The following ATP13A4 variants were observed in gnomAD, a reference collection of about 807,000 sequenced individuals.
ATP13A4 encodes probable cation-transporting ATPase 13A4.
ATP13A4 carries 114 observed loss-of-function variants against 142.5 expected under a neutral mutation model. The ratio of observed to expected loss-of-function variants is 0.80; its 90% CI spans 0.69 to 0.93. ATP13A4 has a LOEUF of 0.93. Among genes scored for constraint, ATP13A4 ranks in the 40% least tolerant of loss-of-function variants. The pLI is 0.00. For missense variants in ATP13A4, 1,392 were observed against 1,454.0 expected, an observed-to-expected ratio of 0.96 and a Z score of 0.69; for synonymous variants, 488 against 514.8, an observed-to-expected ratio of 0.95 and a Z score of 0.70.
chr3:193,500,296 T>C (rs1420059656), intron 3 of ATP13A4, among the ~76,000 whole-genome samples: 1 of 152,124 alleles, frequency 6.6e-6, no homozygotes, highest in Non-Finnish European at 1.5e-5. Flanking sequence ...GAGCATCCTG[T>C]TTAACAAGTT....
At chr3:193,471,021 T>A in intron 8 of ATP13A4, 28 bp from the exon 9 acceptor site, 2 of 1,614,022 alleles carry the variant, frequency 1.2e-6, no homozygotes, top group Non-Finnish European at 8.5e-7. Flanking sequence ...CAGAGTTGAG[T>A]CAGGTTATTT....
Position 193,465,112 on chromosome 3 carries a change from A to T in ATP13A4, c.1289T>A (p.Val430Glu). ...GATGACGTCAAGGGCTTTCCTCACC[A>T]CCTCCTCTGGAGGTTCCTGGACGAC... The part of the protein sequence containing the change: ...YVLSGEPPEE[V>E]VRKALDVITI... Residue 430 changes from valine (V) to glutamate (E), a missense_variant, in exon 12 of 30, where the codon GTG (valine) becomes GAG (glutamate). By Grantham distance (121) the Val-to-Glu change is moderately radical. Coordinates refer to ENST00000342695, the MANE Select transcript of ATP13A4 (RefSeq NM_032279.4). 1 of 1,613,120 alleles carries T rather than the reference A, an allele frequency of 6.2e-7. No homozygotes were observed. The highest frequency in any genetic ancestry group is 8.5e-7 in the Non-Finnish European group (1 of 1,179,774).
chr3:193,501,630 A>G (rs1040529810), intron 3 of ATP13A4, among the ~76,000 whole-genome samples: 1 of 152,050 alleles, frequency 6.6e-6, no homozygotes, highest in Non-Finnish European at 1.5e-5. Flanking sequence ...ACAATTGACA[A>G]TAGGAAAATT....
chr3:193,485,271 A>AAGCAGCAGTTACACGTACAGGTAG (rs1430561255), intron 7 of ATP13A4, among the ~76,000 whole-genome samples: 4 of 152,282 alleles, frequency 2.6e-5, no homozygotes, highest in Non-Finnish European at 4.4e-5. Context: ...AAATAAGTCA[A>AAGCAGCAGTTACACGTACAGGTAG]AGCAGCAGTT....
chr3:193,490,762 T>G (rs2108664104), intron 6 of ATP13A4, among the ~76,000 whole-genome samples: 1 of 152,196 alleles, frequency 6.6e-6, no homozygotes, highest in South Asian at 2.1e-4. Context: ...TTTAGTAAGC[T>G]TGTTTTAAGG....
intron 8 of ATP13A4, among the ~76,000 whole-genome samples, chr3:193,474,717 AG>A (rs1323271297): frequency 9.8e-5 from 11 of 112,760 alleles, no homozygotes; most frequent in East Asian, 5.4e-4. Context: ...AAGGAAAGAG[AG>A]AGAGAAAGAA....
intron 13 of ATP13A4, among the ~76,000 whole-genome samples, chr3:193,461,028 AT>A (rs1717916662): frequency 6.6e-6 from 1 of 152,010 alleles, no homozygotes; most frequent in Non-Finnish European, 1.5e-5. Flanking sequence ...TAAATTTGTC[AT>A]TTTTTATTTT....
At chr3:193,573,973 T>A (rs1191537262) in intron 2 of ATP13A4, among the ~76,000 whole-genome samples, 2 of 152,084 alleles carry the variant, frequency 1.3e-5, no homozygotes, top group African/African-American at 4.8e-5. Flanking sequence ...GCCTTGTGGG[T>A]GGTTGAATGA....
chr3:193,423,842 GAA>G (rs35659312), intron 25 of ATP13A4, among the ~76,000 whole-genome samples: 3 of 146,138 alleles, frequency 2.1e-5, no homozygotes, highest in East Asian at 2.2e-4. Context: ...CTAGGCAAGA[GAA>G]AAAAAAAACA....
At chr3:193,582,351 G>A (rs994024046) in intron 1 of ATP13A4, among the ~76,000 whole-genome samples, 6 of 149,188 alleles carry the variant, frequency 4.0e-5, no homozygotes, top group South Asian at 4.2e-4. Flanking sequence ...GTTTTACCAC[G>A]TTGGCGAAGA....
intron 25 of ATP13A4, among the ~76,000 whole-genome samples, chr3:193,420,331 G>A (rs917992151): frequency 6.7e-6 from 1 of 150,192 alleles, no homozygotes; most frequent in Non-Finnish European, 1.5e-5. Context: ...CGGAATCAGA[G>A]TTACCACAAT....
At chr3:193,528,136 T>C (rs1291104818) in intron 1 of ATP13A4, among the ~76,000 whole-genome samples, 2 of 152,224 alleles carry the variant, frequency 1.3e-5, no homozygotes, top group African/African-American at 4.8e-5. Flanking sequence ...TGGTGCATGT[T>C]GTGCAGACTA....
At chr3:193,452,805 T>A (rs1337698356) in intron 17 of ATP13A4, among the ~76,000 whole-genome samples, 1 of 149,562 alleles carries the variant, frequency 6.7e-6, no homozygotes, top group Non-Finnish European at 1.5e-5. Context: ...TATTATCTTA[T>A]ATTAAACAAT....
At chr3:193,440,291 T>G in intron 21 of ATP13A4, 1 of 460,400 alleles carries the variant, frequency 2.2e-6, no homozygotes, top group Non-Finnish European at 3.8e-6. Context: ...TCTAGTCCAG[T>G]GGTTCTCAGC....
intron 1 of ATP13A4, among the ~76,000 whole-genome samples, chr3:193,582,248 A>G (rs1052995596): frequency 2.0e-5 from 3 of 149,014 alleles, no homozygotes; most frequent in Non-Finnish European, 3.0e-5. Context: ...TCCAGGGTTC[A>G]AATGATTCTC....
intron 14 of ATP13A4, 37 bp from the exon 15 acceptor site, chr3:193,457,502 A>C: frequency 6.3e-7 from 1 of 1,588,344 alleles, no homozygotes; most frequent in Middle Eastern, 1.7e-4. Flanking sequence ...GCAGAGATTT[A>C]TTTATTGTTT....
At chr3:193,423,662 T>C (rs577845565) in intron 25 of ATP13A4, among the ~76,000 whole-genome samples, 1 of 149,854 alleles carries the variant, frequency 6.7e-6, no homozygotes, top group African/African-American at 2.4e-5. Flanking sequence ...AAATTAAGCA[T>C]AGAAGAAATG....
intron 23 of ATP13A4, among the ~76,000 whole-genome samples, chr3:193,437,609 A>G (rs1034300211): frequency 2.0e-5 from 3 of 152,188 alleles, no homozygotes; most frequent in African/African-American, 4.8e-5. Context: ...TGTTAAAAAA[A>G]TAGCCATTCC....
At chr3:193,565,001 A>G (rs1351044117) in intron 2 of ATP13A4, among the ~76,000 whole-genome samples, 1 of 152,222 alleles carries the variant, frequency 6.6e-6, no homozygotes, top group Non-Finnish European at 1.5e-5. Context: ...CCCAGATGGC[A>G]CTGTCTAGTT....
Sources: gnomAD v4.1 joint callset for allele counts (sites outside exome capture counted in the v4.1 genomes callset) on GRCh38, gnomAD v4.1.1 for gene constraint, MANE v1.5 for transcripts, NCBI Gene and HGNC (gene_info 2026-07-23, HGNC 2026-07-21) for gene names.